The following MYRFL variants were observed in gnomAD, a reference collection of about 807,000 sequenced individuals.
MYRFL encodes myelin regulatory factor-like protein.
In MYRFL, 88 loss-of-function variants were observed where a neutral mutation model predicts 109.4. The ratio of observed to expected loss-of-function variants is 0.80; its 90% CI spans 0.68 to 0.96. The LOEUF is 0.96. Among genes scored for constraint, MYRFL ranks in the 40% least tolerant of loss-of-function variants. MYRFL has a pLI of 0.00. For missense variants in MYRFL, 957 were observed against 954.9 expected, an observed-to-expected ratio of 1.00 and a Z score of -0.03; for synonymous variants, 324 against 320.9, an observed-to-expected ratio of 1.01 and a Z score of -0.10.
rs7301663 is a variant in MYRFL, at chr12:69,938,381, G to A, written c.2224+1749G>A. On this transcript the variant is annotated intron_variant, in intron 19 of 24. Coordinates refer to ENST00000552032, the MANE Select transcript of MYRFL (RefSeq NM_182530.3). ...AACAGATCCTGAATAGGAAGAGGTC[G>A]TAGACTGGTCCACTCTTCATTTTCA... Among the ~76,000 whole-genome samples, 1,220 of 152,258 alleles carry A rather than the reference G, an allele frequency of 8.0e-3. 13 individuals carry two copies. Among genetic ancestry groups the A allele is most frequent in the Non-Finnish European group, 0.012 (844 of 68,012 alleles).
chr12:69,910,614 C>T (rs1040594473), intron 12 of MYRFL, among the ~76,000 whole-genome samples: 1 of 148,484 alleles, frequency 6.7e-6, no homozygotes, highest in South Asian at 2.2e-4. Context: ...CTTACCTCCC[C>T]CCTGTTGGCC....
chr12:69,946,349 A>G (rs1004888862), intron 19 of MYRFL, among the ~76,000 whole-genome samples: 17 of 152,240 alleles, frequency 1.1e-4, no homozygotes, highest in Middle Eastern at 3.4e-3. Context: ...CCTTTTGTCA[A>G]CTGGAGAAAA....
chr12:69,908,259 G>A lies in MYRFL; in HGVS notation c.1384-1710G>A, dbSNP rs143046005. ...CTTAAACATGTCCTCACTCTCACGGGGTGTATGTGATATAGGAGAAGACAA... is the reference window on the plus strand; with the variant it reads ...CTTAAACATGTCCTCACTCTCACGGAGTGTATGTGATATAGGAGAAGACAA... On this transcript the variant is annotated intron_variant, in intron 11 of 24. Coordinates refer to ENST00000552032, the MANE Select transcript of MYRFL (RefSeq NM_182530.3). Among the ~76,000 whole-genome samples the A allele has an allele frequency of 1.9e-3, 288 of 152,268 alleles. 2 individuals carry two copies. Among genetic ancestry groups the A allele is most frequent in the African/African-American group, 6.8e-3 (282 of 41,546 alleles).
chr12:69,852,085 C>T (rs1361255015), intron 1 of MYRFL, among the ~76,000 whole-genome samples: 3 of 152,234 alleles, frequency 2.0e-5, no homozygotes, highest in Non-Finnish European at 4.4e-5. Context: ...GAATTGGTCA[C>T]TGTCCAACCA....
At chr12:69,937,873 T>A (rs1955518113) in intron 19 of MYRFL, among the ~76,000 whole-genome samples, 1 of 152,246 alleles carries the variant, frequency 6.6e-6, no homozygotes, top group African/African-American at 2.4e-5. Context: ...ATCATGATTA[T>A]CATGTTGTAA....
chr12:69,903,618 T>C lies in MYRFL; in HGVS notation c.1183-26T>C, dbSNP rs938218964. On this transcript the variant is annotated intron_variant, in intron 10 of 24. Transcript: ENST00000552032. ...CTATTCCTGCTACTGTTACTTTAAT[T>C]GTAATATATTTATGTATTTTTCCAG... 1.7e-5 allele frequency: 26 copies of C among 1,532,474 alleles called. No individual in the cohort carries two copies. The African/African-American group carries it at 3.4e-4, about 20-fold the overall frequency. The allele number at this position is 1,532,474 out of a possible 1,614,324, so 94.9% of individuals were successfully genotyped here. A position where few individuals can be genotyped will look rare whatever the true frequency, so the allele number is the denominator to read the frequency against.
chr12:69,868,083 A>G (rs1592726177), intron 2 of MYRFL, among the ~76,000 whole-genome samples: 2 of 150,282 alleles, frequency 1.3e-5, no homozygotes. Context: ...ATTTAACCCC[A>G]TCAAGCCTCG....
chr12:69,952,859 A>G lies in MYRFL; in HGVS notation c.2348A>G (p.Gln783Arg), dbSNP rs1272434758. 6.5e-7 allele frequency: 1 copy of G among 1,535,732 alleles called. No homozygotes were observed. The highest frequency in any genetic ancestry group is 2.0e-5 in the Admixed American group (1 of 50,958). Residue 783 changes from glutamine to arginine, a missense_variant, in exon 21 of 25, where the codon CAG becomes CGG. Gln to Arg is a conservative substitution (Grantham distance 43). Coordinates refer to ENST00000552032, the MANE Select transcript of MYRFL (RefSeq NM_182530.3). ...IMEIQQIIDH[Q>R]YCIQSLQCGS... Reference sequence around the variant, plus strand: ...GAAATCCAGCAAATAATAGATCATCAGTATTGCATTCAAAGCCTCCAGTGC... The same window carrying G: ...GAAATCCAGCAAATAATAGATCATCGGTATTGCATTCAAAGCCTCCAGTGC...
At chr12:69,900,821 A>G (rs1566010983) in intron 10 of MYRFL, among the ~76,000 whole-genome samples, 1 of 152,114 alleles carries the variant, frequency 6.6e-6, no homozygotes, top group Non-Finnish European at 1.5e-5. Flanking sequence ...CGCCATTTAC[A>G]TTGTATTTTT....
intron 2 of MYRFL, among the ~76,000 whole-genome samples, chr12:69,871,143 G>A (rs1885325222): frequency 6.6e-6 from 1 of 151,916 alleles, no homozygotes; most frequent in South Asian, 2.1e-4. Flanking sequence ...GCATATAATA[G>A]GAGATTACCA....
intron 11 of MYRFL, among the ~76,000 whole-genome samples, chr12:69,906,599 G>C (rs1202190350): frequency 6.6e-6 from 1 of 152,186 alleles, no homozygotes; most frequent in African/African-American, 2.4e-5. Context: ...ATGCTCAAAG[G>C]CTGTTTTGAT....
intron 19 of MYRFL, among the ~76,000 whole-genome samples, chr12:69,949,201 G>T (rs1463432221): frequency 6.7e-6 from 1 of 150,296 alleles, no homozygotes; most frequent in Non-Finnish European, 1.5e-5. Context: ...TGTTGCTTTT[G>T]CTTTCTATCC....
Position 69,936,124 on chromosome 12 carries a change from T to C in MYRFL, c.1928T>C (p.Ile643Thr). The change falls in exon 17 of 25, where the codon ATA becomes ACA. Residue 643 changes from isoleucine (I) to threonine (T), a missense_variant. Transcript: ENST00000552032. ...IAVMAFCALTIVALYILSLKD... is the reference protein window; with the variant it reads ...IAVMAFCALTTVALYILSLKD... Reference sequence around the variant, plus strand: ...TTTTTTTTTGACAGTGCTTTGACGATAGTTGCCCTCTATATACTTAGCTTA... The same window carrying C: ...TTTTTTTTTGACAGTGCTTTGACGACAGTTGCCCTCTATATACTTAGCTTA... 2 of 1,149,746 alleles carry C rather than the reference T, an allele frequency of 1.7e-6. No individual in the cohort carries two copies. The highest frequency in any genetic ancestry group is 2.4e-6 in the Non-Finnish European group (2 of 830,962). 71.2% of individuals were successfully genotyped at this position (1,149,746 alleles called of 1,614,324 possible).
At chr12:69,867,823 T>G (rs1488404468) in intron 2 of MYRFL, among the ~76,000 whole-genome samples, 1 of 152,116 alleles carries the variant, frequency 6.6e-6, no homozygotes, top group Non-Finnish European at 1.5e-5. Flanking sequence ...TTGAGTTCAG[T>G]GACTGGTTTG....
At chr12:69,926,942 T>G (rs1360300441) in intron 14 of MYRFL, among the ~76,000 whole-genome samples, 1 of 134,042 alleles carries the variant, frequency 7.5e-6, no homozygotes, top group African/African-American at 2.7e-5. Flanking sequence ...GGTTTTTTTT[T>G]TTTTTTTTTT....
chr12:69,903,476 C>T (rs1256483930), intron 10 of MYRFL, among the ~76,000 whole-genome samples, 168 bp from the exon 11 acceptor site: 2 of 152,178 alleles, frequency 1.3e-5, no homozygotes, highest in African/African-American at 4.8e-5. Context: ...CTCCCTGGCT[C>T]TCCTGGGCCC....
intron 19 of MYRFL, among the ~76,000 whole-genome samples, chr12:69,938,952 G>A (rs140365114): frequency 0.05 from 7,651 of 152,224 alleles, 211 homozygotes; most frequent in East Asian, 0.15. Flanking sequence ...GGAAAATCGG[G>A]TCACTCCCAC....
intron 11 of MYRFL, among the ~76,000 whole-genome samples, chr12:69,908,466 T>C (rs992889399): frequency 6.6e-6 from 1 of 152,162 alleles, no homozygotes; most frequent in Non-Finnish European, 1.5e-5. Flanking sequence ...GGAAGAGCTT[T>C]TGAGTCTGGG....
chr12:69,944,721 G>A (rs1453052442), intron 19 of MYRFL, among the ~76,000 whole-genome samples: 2 of 152,026 alleles, frequency 1.3e-5, no homozygotes, highest in African/African-American at 2.4e-5. Context: ...AATATTTAAA[G>A]TAATGGATAT....
Sources: gnomAD v4.1 joint callset for allele counts (sites outside exome capture counted in the v4.1 genomes callset) on GRCh38, gnomAD v4.1.1 for gene constraint, MANE v1.5 for transcripts, NCBI Gene and HGNC (gene_info 2026-07-23, HGNC 2026-07-21) for gene names.